Variants in CNTLN observed in about 807,000 individuals in gnomAD.
CNTLN encodes centlein, also known as centlein, centrosomal protein.
In CNTLN, 212 loss-of-function variants were observed where a neutral mutation model predicts 180.0. The ratio of observed to expected loss-of-function variants is 1.18; its 90% confidence interval spans 1.05 to 1.32. CNTLN has a LOEUF of 1.32. Ranked by LOEUF, CNTLN falls within the 40% of genes most tolerant of loss-of-function variation. The pLI, the probability that CNTLN is intolerant of heterozygous loss-of-function variation, is 0.00. For missense variants in CNTLN, 2,095 were observed against 1,610.9 expected (o/e 1.30, Z -5.14); for synonymous variants, 722 against 563.1 (o/e 1.28, Z -3.99).
intron 6 of CNTLN, among the ~76,000 whole-genome samples, chr9:17,288,744 C>A (rs1587506087): frequency 7.3e-6 from 1 of 137,856 alleles, no homozygotes; most frequent in African/African-American, 3.0e-5. Context: ...TTGAATTGAT[C>A]CCTTTACCAT....
intron 13 of CNTLN, among the ~76,000 whole-genome samples, chr9:17,380,662 C>G (rs1022188683): frequency 6.6e-6 from 1 of 152,174 alleles, no homozygotes; most frequent in Non-Finnish European, 1.5e-5. Flanking sequence ...ATTCCTCAGT[C>G]TTTACTGAGT....
At chr9:17,513,971 G>A in the CNTLN span, among the ~76,000 whole-genome samples, 1 of 152,052 alleles carries the variant, frequency 6.6e-6, no homozygotes, top group African/African-American at 2.4e-5. Flanking sequence ...GGTAATATAT[G>A]ATTTGCTAGC....
chr9:17,434,330 G>A (rs1337357445), intron 18 of CNTLN, among the ~76,000 whole-genome samples: 2 of 151,396 alleles, frequency 1.3e-5, no homozygotes, highest in African/African-American at 2.4e-5. Flanking sequence ...TAAGATCTTA[G>A]AATTCTCTTT....
chr9:17,159,674 G>A (rs1263457632), intron 2 of CNTLN, among the ~76,000 whole-genome samples: 2 of 152,158 alleles, frequency 1.3e-5, no homozygotes, highest in African/African-American at 4.8e-5. Flanking sequence ...CTCCAACTGG[G>A]AACAGGAGGA....
the CNTLN span, among the ~76,000 whole-genome samples, chr9:17,511,648 T>TCTCACA: frequency 0.1 from 14,618 of 146,462 alleles, 892 homozygotes; most frequent in African/African-American, 0.17. Flanking sequence ...TCTCTCTCTC[T>TCTCACA]CACACACACA....
At chr9:17,404,835 G>A (rs963043203) in intron 15 of CNTLN, among the ~76,000 whole-genome samples, 4 of 150,358 alleles carry the variant, frequency 2.7e-5, no homozygotes, top group South Asian at 2.1e-4. Flanking sequence ...CCTCCTGGGC[G>A]CAAACGATTC....
At chr9:17,415,924 A>T in intron 17 of CNTLN, 42 bp from the exon 18 acceptor site, 1 of 1,587,072 alleles carries the variant, frequency 6.3e-7, no homozygotes, top group Non-Finnish European at 8.6e-7. Context: ...TTTACAATTT[A>T]AATCTAATTT....
chr9:17,141,453 G>C (rs886517073), intron 1 of CNTLN, among the ~76,000 whole-genome samples: 7 of 152,082 alleles, frequency 4.6e-5, no homozygotes, highest in African/African-American at 1.7e-4. Context: ...ATGTGCATTG[G>C]CCCTGGTTCA....
At chr9:17,249,763 T>G (rs923156261) in intron 5 of CNTLN, among the ~76,000 whole-genome samples, 3 of 151,822 alleles carry the variant, frequency 2.0e-5, no homozygotes, top group Non-Finnish European at 2.9e-5. Flanking sequence ...TATTACTGTT[T>G]TAACATTTTT....
intron 12 of CNTLN, among the ~76,000 whole-genome samples, chr9:17,352,390 A>C (rs902744390): frequency 2.9e-5 from 1 of 35,000 alleles, no homozygotes; most frequent in Non-Finnish European, 7.3e-5. Flanking sequence ...TCAAGCTAGA[A>C]TATATATATA....
chr9:17,508,275 C>G (rs1210856367), downstream of CNTLN, among the ~76,000 whole-genome samples: 2 of 152,116 alleles, frequency 1.3e-5, no homozygotes, highest in East Asian at 3.9e-4. Context: ...TTAACATTCA[C>G]AAGAAGTTGC....
At chr9:17,423,480 A>G (rs1289035898) in intron 18 of CNTLN, among the ~76,000 whole-genome samples, 1 of 151,890 alleles carries the variant, frequency 6.6e-6, no homozygotes, top group African/African-American at 2.4e-5. Flanking sequence ...TGCAATCAGG[A>G]GTCTCTCACT....
intron 2 of CNTLN, among the ~76,000 whole-genome samples, chr9:17,224,671 T>C (rs893575434): frequency 1.3e-5 from 2 of 152,064 alleles, no homozygotes; most frequent in Non-Finnish European, 2.9e-5. Flanking sequence ...TCAGTGATTA[T>C]AATTTTTTAT....
chr9:17,393,995 G>A (rs1018482820), intron 14 of CNTLN, among the ~76,000 whole-genome samples: 6 of 151,706 alleles, frequency 4.0e-5, no homozygotes, highest in Non-Finnish European at 7.4e-5. Flanking sequence ...ATTTAAAATT[G>A]TTAGACTTTA....
chr9:17,391,854 A>C (rs1009270159), intron 14 of CNTLN, among the ~76,000 whole-genome samples: 1 of 152,144 alleles, frequency 6.6e-6, no homozygotes, highest in African/African-American at 2.4e-5. Context: ...ATCACATTTA[A>C]TACTCCCAAC....
At chr9:17,178,098 T>A (rs1029276018) in intron 2 of CNTLN, among the ~76,000 whole-genome samples, 11 of 151,220 alleles carry the variant, frequency 7.3e-5, no homozygotes, top group African/African-American at 2.5e-4. Flanking sequence ...TTGAGCTAGA[T>A]ACAGAGTGCT....
At chr9:17,227,257 T>C (rs78424415) in intron 3 of CNTLN, among the ~76,000 whole-genome samples, 18,277 of 151,806 alleles carry the variant, frequency 0.12, 1,388 homozygotes, top group African/African-American at 0.21. Context: ...ATATTCAAAC[T>C]ATATCAAGTA....
intron 5 of CNTLN, among the ~76,000 whole-genome samples, chr9:17,245,750 C>T (rs1246815267): frequency 6.6e-6 from 1 of 151,718 alleles, no homozygotes; most frequent in Non-Finnish European, 1.5e-5. Flanking sequence ...TCTTTTGTCT[C>T]CTCTAACTGT....
At chr9:17,152,757 G>C (rs1390169955) in intron 2 of CNTLN, among the ~76,000 whole-genome samples, 1 of 152,112 alleles carries the variant, frequency 6.6e-6, no homozygotes, top group Non-Finnish European at 1.5e-5. Flanking sequence ...ATTGACAGTG[G>C]GGTGTCAAAC....
Sources: allele counts gnomAD v4.1 joint callset (sites outside exome capture counted in the v4.1 genomes callset), GRCh38; gene constraint gnomAD v4.1.1; transcripts MANE v1.5; gene names NCBI Gene and HGNC (gene_info 2026-07-23, HGNC 2026-07-21).